The following GRM1 variants were observed in gnomAD, a reference collection of about 807,000 sequenced individuals.
GRM1 encodes metabotropic glutamate receptor 1.
In GRM1, 33 loss-of-function variants were observed where a neutral mutation model predicts 90.9. The ratio of observed to expected loss-of-function variants is 0.36; its 90% CI spans 0.28 to 0.49. The LOEUF is 0.49. Among genes scored for constraint, GRM1 ranks in the 20% least tolerant of loss-of-function variants. The pLI is 0.99. For synonymous variants in GRM1, 700 were observed against 613.2 expected, an observed-to-expected ratio of 1.14 and a Z score of -2.09; for missense variants, 1,190 against 1,534.3, an observed-to-expected ratio of 0.78 and a Z score of 3.75.
At chr6:146,380,944 C>T (rs985560635) in intron 5 of GRM1, among the ~76,000 whole-genome samples, 2 of 152,152 alleles carry the variant, frequency 1.3e-5, no homozygotes, top group South Asian at 2.1e-4. Flanking sequence ...ACAGGGGCTT[C>T]ACAACTCTGA....
chr6:146,396,974 G>C (rs992058549), intron 6 of GRM1, among the ~76,000 whole-genome samples: 1 of 152,176 alleles, frequency 6.6e-6, no homozygotes, highest in Non-Finnish European at 1.5e-5. Context: ...CAAGAGCTCA[G>C]TAAAATTAGC....
intron 2 of GRM1, among the ~76,000 whole-genome samples, chr6:146,242,195 C>G (rs1780889666): frequency 6.6e-6 from 1 of 152,078 alleles, no homozygotes; most frequent in Non-Finnish European, 1.5e-5. Context: ...TATAGTGTGA[C>G]TACCATGTGT....
intron 2 of GRM1, among the ~76,000 whole-genome samples, chr6:146,197,229 G>A (rs2114603054): frequency 6.6e-6 from 1 of 152,320 alleles, no homozygotes; most frequent in South Asian, 2.1e-4. Context: ...GAAGAGAACA[G>A]TGTTAATGCC....
chr6:146,222,646 G>T (rs1780108055), intron 2 of GRM1, among the ~76,000 whole-genome samples: 1 of 152,012 alleles, frequency 6.6e-6, no homozygotes, highest in Non-Finnish European at 1.5e-5. Context: ...CACTCACGTT[G>T]GAAAGAGCAA....
At chr6:146,425,061 A>G (rs541741717) in intron 7 of GRM1, among the ~76,000 whole-genome samples, 10 of 152,326 alleles carry the variant, frequency 6.6e-5, no homozygotes, top group African/African-American at 2.4e-4. Context: ...GTAATAATGA[A>G]GTTACACCAA....
At chr6:146,316,913 T>C (rs989856576) in intron 3 of GRM1, among the ~76,000 whole-genome samples, 2 of 152,236 alleles carry the variant, frequency 1.3e-5, no homozygotes, top group Non-Finnish European at 2.9e-5. Flanking sequence ...CTGCCAGCTT[T>C]TTAATTTTTC....
chr6:146,122,927 C>T (rs1402204422), intron 1 of GRM1, among the ~76,000 whole-genome samples: 1 of 137,084 alleles, frequency 7.3e-6, no homozygotes, highest in Non-Finnish European at 1.5e-5. Flanking sequence ...TCACTGCAAC[C>T]TTTGCCTCCT....
Position 146,434,639 on chromosome 6 carries a change from C to A in GRM1, c.3428C>A (p.Pro1143His), listed in dbSNP as rs745881707. The change falls in exon 8 of 8, where the codon CCT (proline) becomes CAT (histidine). Residue 1143 changes from proline (P) to histidine (H), a missense_variant. Transcript: ENST00000282753. ...AASKLTPDDS[P>H]ALTPPSPFRD... is the part of the protein sequence containing the mutation. ...AGCAAACTGACCCCGGATGATTCGCCTGCGCTGACGCCTCCGTCGCCTTTC... is the reference window on the plus strand; with the variant it reads ...AGCAAACTGACCCCGGATGATTCGCATGCGCTGACGCCTCCGTCGCCTTTC... The A allele has an allele frequency of 6.2e-7, 1 of 1,611,196 alleles. No homozygotes were observed. Among genetic ancestry groups the A allele is most frequent in the South Asian group, 1.1e-5 (1 of 91,088 alleles).
At chr6:146,097,631 C>A (rs1305353524) in intron 1 of GRM1, among the ~76,000 whole-genome samples, 1 of 152,180 alleles carries the variant, frequency 6.6e-6, no homozygotes, top group African/African-American at 2.4e-5. Flanking sequence ...GTATCTTCCC[C>A]CCCTACATTT....
chr6:146,215,336 A>G (rs370459520), intron 2 of GRM1, among the ~76,000 whole-genome samples: 21 of 152,104 alleles, frequency 1.4e-4, no homozygotes, highest in East Asian at 1.2e-3. Flanking sequence ...CATCTATGTC[A>G]GTATTTCTCT....
At chr6:146,317,532 T>C (rs915688659) in intron 3 of GRM1, among the ~76,000 whole-genome samples, 1 of 152,200 alleles carries the variant, frequency 6.6e-6, no homozygotes, top group Admixed American at 6.5e-5. Flanking sequence ...CCCCCTACTT[T>C]TTGGTACCAA....
chr6:146,133,939 C>T (rs1457391967), intron 1 of GRM1, among the ~76,000 whole-genome samples: 1 of 152,208 alleles, frequency 6.6e-6, no homozygotes, highest in African/African-American at 2.4e-5. Flanking sequence ...GGGCCCCTGC[C>T]ATCATTTTCG....
chr6:146,338,735 G>A (rs925949659), intron 3 of GRM1, among the ~76,000 whole-genome samples: 2 of 152,106 alleles, frequency 1.3e-5, no homozygotes. Context: ...AATGTTATGG[G>A]GGTACAAGTT....
rs111600074 is a variant in GRM1, at chr6:146,129,034, C to T, written c.701-30314C>T. ...ATAAATAATGATTTCGGTCACTTTT[C>T]CTCCCTGATATTTTCCGGTACATGT... is the stretch of plus-strand genomic sequence containing the variant. On this transcript the variant is annotated intron_variant, in intron 1 of 7. Coordinates refer to ENST00000282753, the MANE Select transcript of GRM1 (RefSeq NM_001278064.2). 6.1e-3 allele frequency among the ~76,000 whole-genome samples: 936 copies of T among 152,242 alleles called. 8 individuals are homozygous for T. The highest frequency in any genetic ancestry group is 0.022 in the African/African-American group (896 of 41,540).
intron 4 of GRM1, among the ~76,000 whole-genome samples, chr6:146,357,144 G>A (rs1046705663): frequency 2.0e-5 from 3 of 150,394 alleles, no homozygotes; most frequent in African/African-American, 4.8e-5. Context: ...ACAACTTAAT[G>A]TGAAAAAGAA....
chr6:146,282,116 C>G (rs747300186), intron 2 of GRM1, among the ~76,000 whole-genome samples: 1 of 151,958 alleles, frequency 6.6e-6, no homozygotes, highest in African/African-American at 2.4e-5. Flanking sequence ...AGCACTGGTG[C>G]CTTTGTGTAC....
At chr6:146,190,735 C>T (rs1406979135) in intron 2 of GRM1, among the ~76,000 whole-genome samples, 1 of 152,124 alleles carries the variant, frequency 6.6e-6, no homozygotes, top group African/African-American at 2.4e-5. Context: ...TCCGTATTGC[C>T]ACTACTTCAG....
intron 5 of GRM1, among the ~76,000 whole-genome samples, chr6:146,363,409 T>C (rs897506717): frequency 3.9e-5 from 6 of 152,194 alleles, no homozygotes; most frequent in South Asian, 2.1e-4. Context: ...TTAACCTAGC[T>C]TCTGCATTAC....
chr6:146,309,341 G>A (rs1783697910), intron 3 of GRM1, among the ~76,000 whole-genome samples: 1 of 151,816 alleles, frequency 6.6e-6, no homozygotes, highest in Admixed American at 6.6e-5. Context: ...AGAGGTTGCA[G>A]TGAGCCGAGA....
Sources: gnomAD v4.1 joint callset for allele counts (sites outside exome capture counted in the v4.1 genomes callset) on GRCh38, gnomAD v4.1.1 for gene constraint, MANE v1.5 for transcripts, NCBI Gene and HGNC (gene_info 2026-07-23, HGNC 2026-07-21) for gene names.